The following COLGALT2 variants were observed in gnomAD, a reference collection of about 807,000 sequenced individuals.
The protein encoded by COLGALT2 is procollagen galactosyltransferase 2.
In COLGALT2, 49 loss-of-function variants were observed where a neutral mutation model predicts 73.4. The observed-to-expected ratio is 0.67, with a 90% CI of 0.53 to 0.85. The LOEUF (loss-of-function observed/expected upper bound fraction) is 0.85, where lower values mean the gene tolerates loss of function less well. COLGALT2 is among the 40% of genes least tolerant of loss of function. The pLI, the probability that COLGALT2 is intolerant of heterozygous loss-of-function variation, is 0.00. For synonymous variants in COLGALT2, 295 were observed against 307.6 expected (o/e 0.96, Z 0.43); for missense variants, 722 against 790.2 (o/e 0.91, Z 1.03).
At chr1:183,962,161 T>C (rs1358433964) in intron 6 of COLGALT2, among the ~76,000 whole-genome samples, 1 of 126,174 alleles carries the variant, frequency 7.9e-6, no homozygotes, top group Non-Finnish European at 1.7e-5. Context: ...TTTCTTTTTT[T>C]TTTTTTTTTT....
chr1:183,985,422 G>A lies in COLGALT2; in HGVS notation c.264-6902C>T, dbSNP rs182075358. Among the ~76,000 whole-genome samples, 70 of 152,246 alleles carry A rather than the reference G, an allele frequency of 4.6e-4. No individual in the cohort carries two copies. In the East Asian group the frequency reaches 9.1e-3, roughly 20 times the overall value. The stretch of plus-strand genomic sequence containing the variant: ...TAAGTAGCTGGGATTACAGGCATGC[G>A]CCACCATGCCCAGCTAATTTTGTAT... On this transcript the variant is annotated intron_variant, in intron 1 of 11. Coordinates refer to ENST00000361927, the MANE Select transcript of COLGALT2 (RefSeq NM_015101.4).
chr1:183,972,736 G>A (rs1421684909), intron 4 of COLGALT2, among the ~76,000 whole-genome samples: 1 of 148,104 alleles, frequency 6.8e-6, no homozygotes, highest in African/African-American at 2.5e-5. Context: ...GTCTCGCTCT[G>A]TCACCCAGGC....
Position 183,963,969 on chromosome 1 carries a change from G to C in COLGALT2, c.884C>G (p.Pro295Arg), listed in dbSNP as rs747007291. ...CTGCAGTGTCTGATGGGGCTTCAGG[G>C]GGATGGGCAGGTAGCCATAGTGCTC... ...NREHYGYLPI[P>R]LKPHQTLQED... The change falls in exon 6 of 12, where the codon CCC becomes CGC. Residue 295 changes from proline to arginine, a missense_variant. Transcript: ENST00000361927. The C allele has an allele frequency of 1.2e-6, 2 of 1,613,538 alleles. No individual in the cohort carries two copies. The highest frequency in any genetic ancestry group is 3.3e-5 in the Admixed American group (2 of 59,938).
At chr1:184,029,994 GA>G (rs1328255112) in intron 1 of COLGALT2, among the ~76,000 whole-genome samples, 1 of 152,180 alleles carries the variant, frequency 6.6e-6, no homozygotes, top group Non-Finnish European at 1.5e-5. Flanking sequence ...AAAGTTTCTA[GA>G]AAAATATGAA....
chr1:183,990,732 G>T (rs369677155), intron 1 of COLGALT2, among the ~76,000 whole-genome samples: 3 of 152,242 alleles, frequency 2.0e-5, no homozygotes, highest in East Asian at 1.9e-4. Flanking sequence ...GAAAGAGTCT[G>T]ATGTGTTTGT....
At chr1:184,035,135 T>C (rs1474393331) in intron 1 of COLGALT2, among the ~76,000 whole-genome samples, 1 of 144,320 alleles carries the variant, frequency 6.9e-6, no homozygotes, top group Non-Finnish European at 1.5e-5. Flanking sequence ...TTCTCTCATC[T>C]AAGTAAGACA....
At chr1:184,032,761 G>A (rs888477209) in intron 1 of COLGALT2, among the ~76,000 whole-genome samples, 1 of 152,150 alleles carries the variant, frequency 6.6e-6, no homozygotes, top group Non-Finnish European at 1.5e-5. Flanking sequence ...CTTACCACTG[G>A]TGCTGAAAAA....
chr1:183,952,007 C>T (rs1670415000), intron 7 of COLGALT2, among the ~76,000 whole-genome samples: 1 of 152,094 alleles, frequency 6.6e-6, no homozygotes, highest in Admixed American at 6.5e-5. Flanking sequence ...AACACGTAGA[C>T]CATGGAACAG....
chr1:183,944,373 A>G (rs758082184), intron 9 of COLGALT2, 50 bp from the exon 10 acceptor site: 2 of 1,570,422 alleles, frequency 1.3e-6, no homozygotes, highest in Non-Finnish European at 1.7e-6. Flanking sequence ...TTGAAACCCA[A>G]TTTTTATTAG....
At chr1:184,027,370 A>C (rs1464288569) in intron 1 of COLGALT2, among the ~76,000 whole-genome samples, 3 of 152,228 alleles carry the variant, frequency 2.0e-5, no homozygotes, top group African/African-American at 7.2e-5. Context: ...TCACTTATGT[A>C]CATGCTTAAC....
rs1284437930 is a variant in COLGALT2, at chr1:184,037,396, G to C, written c.-39C>G. 1.5e-6 allele frequency: 2 copies of C among 1,342,702 alleles called. No homozygotes were observed. Among genetic ancestry groups the C allele is most frequent in the Non-Finnish European group, 1.9e-6 (2 of 1,049,432 alleles). 83.2% of individuals were successfully genotyped at this position (1,342,702 alleles called of 1,614,324 possible). ...GCGGGCGGCGGGGAAGTCCTGGCGC[G>C]AGCGCCCGGCTGGGCTGCCTGAGGG... is the stretch of plus-strand genomic sequence containing the variant. On this transcript the variant is annotated 5_prime_UTR_variant, in exon 1 of 12. Coordinates refer to ENST00000361927, the MANE Select transcript of COLGALT2 (RefSeq NM_015101.4).
At chr1:184,021,636 T>C (rs773044893) in intron 1 of COLGALT2, among the ~76,000 whole-genome samples, 2 of 152,182 alleles carry the variant, frequency 1.3e-5, no homozygotes, top group Non-Finnish European at 2.9e-5. Flanking sequence ...TTATAAATTA[T>C]TACCCAGTCT....
chr1:184,026,885 A>G (rs571057156), intron 1 of COLGALT2, among the ~76,000 whole-genome samples: 6 of 152,296 alleles, frequency 3.9e-5, no homozygotes, highest in Non-Finnish European at 8.8e-5. Flanking sequence ...GATGTTCATT[A>G]GTAGGTATTT....
At chr1:183,934,746 G>C (rs538671101), downstream of COLGALT2, among the ~76,000 whole-genome samples, 1 of 152,284 alleles carries the variant, frequency 6.6e-6, no homozygotes, top group African/African-American at 2.4e-5. Flanking sequence ...TTACTAGCGG[G>C]AGGGATTTGC....
At chr1:183,950,905 T>A in intron 8 of COLGALT2, 102 bp downstream of exon 8, 6 of 809,562 alleles carry the variant, frequency 7.4e-6, no homozygotes, top group Non-Finnish European at 1.3e-5. Context: ...TATCCTCTAA[T>A]GACCGAAGAG....
chr1:183,955,372 A>G (rs145596415), intron 6 of COLGALT2, among the ~76,000 whole-genome samples: 2 of 152,166 alleles, frequency 1.3e-5, no homozygotes, highest in South Asian at 2.1e-4. Flanking sequence ...TAGAATTTTT[A>G]CTGAAAAACA....
intron 4 of COLGALT2, among the ~76,000 whole-genome samples, chr1:183,972,856 C>T (rs1164174915): frequency 6.6e-6 from 1 of 152,150 alleles, no homozygotes; most frequent in African/African-American, 2.4e-5. Context: ...CCCAACACCA[C>T]GCCTGGCTAA....
chr1:183,946,798 G>A (rs971038871), intron 8 of COLGALT2, among the ~76,000 whole-genome samples: 3 of 152,184 alleles, frequency 2.0e-5, no homozygotes, highest in Admixed American at 6.5e-5. Context: ...TTGGGAGGCC[G>A]AGGTGGGCAG....
At chr1:184,035,295 G>A (rs1649639055) in intron 1 of COLGALT2, among the ~76,000 whole-genome samples, 1 of 152,158 alleles carries the variant, frequency 6.6e-6, no homozygotes, top group Non-Finnish European at 1.5e-5. Context: ...TATTGATGAG[G>A]CAACTGATGC....
Sources: allele counts gnomAD v4.1 joint callset (sites outside exome capture counted in the v4.1 genomes callset), GRCh38; gene constraint gnomAD v4.1.1; transcripts MANE v1.5; gene names NCBI Gene and HGNC (gene_info 2026-07-23, HGNC 2026-07-21).